The following PDS5A variants were observed in gnomAD, a reference collection of about 807,000 sequenced individuals.
PDS5A encodes the protein PDS5 cohesin associated factor A.
Under a neutral mutation model 167.1 loss-of-function variants are expected in PDS5A, and 42 were observed. The observed-to-expected ratio is 0.25, with a 90% CI of 0.20 to 0.33. The LOEUF (loss-of-function observed/expected upper bound fraction) is 0.33, where lower values mean the gene tolerates loss of function less well. PDS5A is among the 10% of genes least tolerant of loss of function. The probability of loss-of-function intolerance (pLI) is 1.00; values close to 1 mark genes in which losing one functional copy is unlikely to be tolerated. For synonymous variants in PDS5A, 553 were observed against 554.6 expected (o/e 1.00, Z 0.04); for missense variants, 1,033 against 1,605.9 (o/e 0.64, Z 6.10).
chr4:39,879,320 C>CT (rs1720744836), intron 18 of PDS5A, among the ~76,000 whole-genome samples: 1 of 152,034 alleles, frequency 6.6e-6, no homozygotes, highest in Non-Finnish European at 1.5e-5. Context: ...CAAAGCACCC[C>CT]TTTTTTCTAG....
chr4:39,936,850 T>C (rs1367870615), intron 2 of PDS5A: 4 of 152,142 alleles, frequency 2.6e-5, no homozygotes, highest in Non-Finnish European at 5.9e-5. Flanking sequence ...CCAGGTGCTG[T>C]GAGCTAGAAG....
At chr4:39,884,958 C>T (rs1324756151) in intron 17 of PDS5A, among the ~76,000 whole-genome samples, 1 of 151,996 alleles carries the variant, frequency 6.6e-6, no homozygotes, top group Non-Finnish European at 1.5e-5. Context: ...ATATTAACCC[C>T]AATCCTTTCT....
chr4:39,903,954 TAAG>T (rs1278431234), intron 12 of PDS5A, 83 bp downstream of exon 12: 19 of 663,072 alleles, frequency 2.9e-5, no homozygotes, highest in East Asian at 3.2e-5. Flanking sequence ...TACATAAAAA[TAAG>T]AAATTACTAA....
In PDS5A at chr4:39,913,777, A is replaced by C. The variant is rs924706689; in HGVS notation, c.877-51T>G. On this transcript the variant is annotated intron_variant, in intron 8 of 32. Transcript: ENST00000303538. Reference sequence around the variant, plus strand: ...GCCTAAGCTTTATTCACCAGATTACAGAAAATATCTTGAAACATTCTCAAG... The same window carrying C: ...GCCTAAGCTTTATTCACCAGATTACCGAAAATATCTTGAAACATTCTCAAG... 7.5e-6 allele frequency: 7 copies of C among 933,012 alleles called. No homozygotes were observed. The African/African-American group carries it at 1.1e-4, about 15-fold the overall frequency. The allele number at this position is 933,012 out of a possible 1,614,324, so 57.8% of individuals were successfully genotyped here.
At chr4:39,879,694 G>C (rs764541953) in intron 18 of PDS5A, 34 bp downstream of exon 18, 1 of 1,311,994 alleles carries the variant, frequency 7.6e-7, no homozygotes, top group Admixed American at 1.7e-5. Context: ...TGACCCCACG[G>C]AAATACATGG....
At chr4:39,929,063 A>G (rs533526150) in intron 2 of PDS5A, among the ~76,000 whole-genome samples, 10 of 152,200 alleles carry the variant, frequency 6.6e-5, no homozygotes, top group Admixed American at 1.3e-4. Context: ...TAATTATGCA[A>G]ATAACTATAA....
At chr4:39,835,174 A>C (rs1388844049) in intron 32 of PDS5A, among the ~76,000 whole-genome samples, 2 of 152,088 alleles carry the variant, frequency 1.3e-5, no homozygotes, top group South Asian at 2.1e-4. Context: ...TCCTGACCTT[A>C]AAAGATCTGC....
At chr4:39,942,356 A>C (rs756691558) in intron 2 of PDS5A, among the ~76,000 whole-genome samples, 1 of 152,174 alleles carries the variant, frequency 6.6e-6, no homozygotes, top group Non-Finnish European at 1.5e-5. Flanking sequence ...AAATATGTGA[A>C]TATGTCCTAG....
At chr4:39,915,939 A>C (rs1475911193) in intron 8 of PDS5A, among the ~76,000 whole-genome samples, 2 of 152,188 alleles carry the variant, frequency 1.3e-5, no homozygotes, top group Admixed American at 1.3e-4. Context: ...TGTAAAAGTC[A>C]AAATATATTC....
intron 2 of PDS5A, among the ~76,000 whole-genome samples, chr4:39,930,246 A>AAAAAAAAAAAT: frequency 5.4e-5 from 5 of 93,166 alleles, no homozygotes; most frequent in Admixed American, 1.1e-4. Context: ...AAAAAAAAAA[A>AAAAAAAAAAAT]GTTTTTTTGT....
intron 2 of PDS5A, among the ~76,000 whole-genome samples, chr4:39,933,925 TGTA>T (rs1290472681): frequency 6.6e-6 from 1 of 152,134 alleles, no homozygotes; most frequent in Non-Finnish European, 1.5e-5. Context: ...GAGGTGGTGG[TGTA>T]GTTTCTGCTG....
intron 16 of PDS5A, chr4:39,897,965 C>T (rs1722569203): frequency 2.4e-6 from 2 of 843,320 alleles, no homozygotes; most frequent in African/African-American, 3.7e-5. Flanking sequence ...AGAATGAAGA[C>T]AAAAGTCTAG....
intron 2 of PDS5A, among the ~76,000 whole-genome samples, chr4:39,958,257 A>C (rs1729149822): frequency 6.6e-6 from 1 of 152,082 alleles, no homozygotes; most frequent in Non-Finnish European, 1.5e-5. Context: ...CTGTAATCCC[A>C]GCACATTGGG....
In PDS5A at chr4:39,831,394, T is replaced by C. The variant is rs564004238; in HGVS notation, c.4011-5906A>G. On this transcript the variant is annotated intron_variant, in intron 32 of 32. Coordinates refer to ENST00000303538, the MANE Select transcript of PDS5A (RefSeq NM_001100399.2). ...GATTACAGGCGTGAGCCACCGTGCC[T>C]GGCCATAGAGTTGTTTTAAGGATTC... Among the ~76,000 whole-genome samples, 70 of 152,146 alleles carry C rather than the reference T, an allele frequency of 4.6e-4. 2 individuals carry two copies. The South Asian group carries it at 0.013, about 28-fold the overall frequency.
intron 32 of PDS5A, among the ~76,000 whole-genome samples, chr4:39,830,094 A>G (rs1359634229): frequency 1.3e-5 from 2 of 151,956 alleles, no homozygotes; most frequent in African/African-American, 4.8e-5. Flanking sequence ...TGACCTGAGC[A>G]AGGTCCGTTC....
chr4:39,971,325 T>C (rs1324970456), intron 2 of PDS5A, among the ~76,000 whole-genome samples: 1 of 151,986 alleles, frequency 6.6e-6, no homozygotes, highest in East Asian at 1.9e-4. Flanking sequence ...TGGATAATTT[T>C]TTTGTATTTT....
chr4:39,959,098 G>A (rs1377954413), intron 2 of PDS5A, among the ~76,000 whole-genome samples: 2 of 152,014 alleles, frequency 1.3e-5, no homozygotes, highest in East Asian at 3.9e-4. Context: ...AGAAACAAAT[G>A]CAATCCAACC....
intron 21 of PDS5A, among the ~76,000 whole-genome samples, chr4:39,871,032 C>T (rs1404186272): frequency 6.6e-6 from 1 of 152,056 alleles, no homozygotes; most frequent in Non-Finnish European, 1.5e-5. Flanking sequence ...TGGAAGAGCC[C>T]TGAGAACATG....
chr4:39,851,097 A>G (rs1225177967), intron 26 of PDS5A, among the ~76,000 whole-genome samples: 2 of 152,212 alleles, frequency 1.3e-5, no homozygotes, highest in African/African-American at 4.8e-5. Context: ...AACTCTACTT[A>G]GATACTGGAT....
Sources: gnomAD v4.1 joint callset for allele counts (sites outside exome capture counted in the v4.1 genomes callset) on GRCh38, gnomAD v4.1.1 for gene constraint, MANE v1.5 for transcripts, NCBI Gene and HGNC (gene_info 2026-07-23, HGNC 2026-07-21) for gene names.